Variants in ASPRV1 observed in about 807,000 individuals in gnomAD.
The protein encoded by ASPRV1 is aspartic peptidase retroviral like 1, also known as retroviral-like aspartic protease 1.
ASPRV1 carries 7 observed loss-of-function variants against 11.0 expected under a neutral mutation model. That is an observed-to-expected ratio of 0.64 (90% CI 0.36 to 1.20). The LOEUF is 1.20. ASPRV1 is among the 50% of genes most tolerant of loss of function. The pLI, the probability that ASPRV1 is intolerant of heterozygous loss-of-function variation, is 0.02. For missense variants in ASPRV1, 299 were observed against 320.0 expected, an observed-to-expected ratio of 0.93 and a Z score of 0.50; for synonymous variants, 136 against 138.4, an observed-to-expected ratio of 0.98 and a Z score of 0.12.
At chr2:70,051,036 C>T in the ASPRV1 span, 1 of 152,030 alleles carries the variant, frequency 6.6e-6, no homozygotes, top group Non-Finnish European at 1.5e-5. Flanking sequence ...ACCTTTAATA[C>T]TCAAATAAAT....
the ASPRV1 span, among the ~76,000 whole-genome samples, chr2:70,058,023 T>C: frequency 6.6e-6 from 1 of 152,020 alleles, no homozygotes; most frequent in Non-Finnish European, 1.5e-5. Flanking sequence ...TTGATCGTGA[T>C]CTGCCCACCT....
the ASPRV1 span, among the ~76,000 whole-genome samples, chr2:69,934,581 C>T: frequency 6.6e-6 from 1 of 152,178 alleles, no homozygotes; most frequent in South Asian, 2.1e-4. Flanking sequence ...TGTTCCTTGC[C>T]TTCTCCCTGC....
At chr2:69,935,433 A>G in the ASPRV1 span, 1 of 1,614,130 alleles carries the variant, frequency 6.2e-7, no homozygotes, top group Non-Finnish European at 8.5e-7. Context: ...CACTACGTTG[A>G]GTTTATTAAC....
chr2:70,010,537 C>T, the ASPRV1 span, among the ~76,000 whole-genome samples: 7 of 152,104 alleles, frequency 4.6e-5, no homozygotes, highest in African/African-American at 1.2e-4. Flanking sequence ...GACAACGAGG[C>T]CACAAAGGTT....
chr2:69,953,879 T>TC, the ASPRV1 span, among the ~76,000 whole-genome samples: 1 of 151,548 alleles, frequency 6.6e-6, no homozygotes, highest in Non-Finnish European at 1.5e-5. Context: ...GGCTAATTTT[T>TC]TTTTTTTTTT....
chr2:69,957,283 T>G (rs1195737302), downstream of ASPRV1, among the ~76,000 whole-genome samples: 2 of 152,170 alleles, frequency 1.3e-5, no homozygotes, highest in Middle Eastern at 3.4e-3. Flanking sequence ...GGTTCCTATA[T>G]ATATAGATAG....
the ASPRV1 span, among the ~76,000 whole-genome samples, chr2:70,061,376 T>C: frequency 0.041 from 5,680 of 137,370 alleles, 353 homozygotes; most frequent in African/African-American, 0.14. Flanking sequence ...GCCTGGGTGA[T>C]AGAGTGAGAC....
the ASPRV1 span, among the ~76,000 whole-genome samples, chr2:70,054,881 G>A: frequency 7.2e-4 from 110 of 152,214 alleles, no homozygotes; most frequent in African/African-American, 2.4e-3. Flanking sequence ...TTGCTGTAAA[G>A]TTAACTAAGA....
the ASPRV1 span, among the ~76,000 whole-genome samples, chr2:70,013,509 A>G: frequency 6.6e-6 from 1 of 152,226 alleles, no homozygotes; most frequent in Non-Finnish European, 1.5e-5. Flanking sequence ...CTATTAAGCC[A>G]AACATTAAAG....
At chr2:70,075,564 T>C in the ASPRV1 span, among the ~76,000 whole-genome samples, 1 of 152,066 alleles carries the variant, frequency 6.6e-6, no homozygotes, top group Non-Finnish European at 1.5e-5. Flanking sequence ...TCTCAACGTG[T>C]GGCCAGGCAC....
the ASPRV1 span, among the ~76,000 whole-genome samples, chr2:69,946,494 G>A: frequency 1.5e-4 from 23 of 152,294 alleles, no homozygotes; most frequent in South Asian, 4.6e-3. Flanking sequence ...GTAAGGTAAA[G>A]TATGCAAACA....
At chr2:70,007,875 A>G in the ASPRV1 span, among the ~76,000 whole-genome samples, 33,579 of 151,938 alleles carry the variant, frequency 0.22, 6,465 homozygotes, top group African/African-American at 0.48. Context: ...TCACTTTGTC[A>G]CCCAGGATGG....
At chr2:70,086,196 G>A in the ASPRV1 span, 2 of 152,102 alleles carry the variant, frequency 1.3e-5, no homozygotes, top group South Asian at 2.1e-4. Flanking sequence ...AGGAAGAGGG[G>A]TGCATTCTAG....
chr2:69,997,336 C>T, the ASPRV1 span, among the ~76,000 whole-genome samples: 2 of 152,256 alleles, frequency 1.3e-5, no homozygotes, highest in East Asian at 1.9e-4. Flanking sequence ...ACCATAGTAC[C>T]GACCTAGGCC....
At chr2:70,030,945 A>G in the ASPRV1 span, 1 of 152,246 alleles carries the variant, frequency 6.6e-6, no homozygotes, top group Non-Finnish European at 1.5e-5. Context: ...CTGCTAGGTC[A>G]GTGAAGGAGA....
chr2:69,982,291 TAAAA>T, the ASPRV1 span, among the ~76,000 whole-genome samples: 20 of 129,328 alleles, frequency 1.5e-4, no homozygotes, highest in African/African-American at 5.6e-4. Context: ...TCATCCCTAC[TAAAA>T]AAAAAAAAAA....
chr2:70,073,226 C>T, the ASPRV1 span: 1 of 152,136 alleles, frequency 6.6e-6, no homozygotes, highest in Non-Finnish European at 1.5e-5. Context: ...GGATGGCAGG[C>T]TGGAGACAAG....
the ASPRV1 span, among the ~76,000 whole-genome samples, chr2:70,073,712 T>TGTTGCTGGCC: frequency 6.6e-6 from 1 of 152,112 alleles, no homozygotes. Context: ...CATTGCTGGC[T>TGTTGCTGGCC]GTTGCTGGCC....
At chr2:70,023,782 T>C in the ASPRV1 span, among the ~76,000 whole-genome samples, 2 of 152,216 alleles carry the variant, frequency 1.3e-5, no homozygotes, top group African/African-American at 2.4e-5. Context: ...TTATTTTGGA[T>C]TGTTGGTCTT....
Sources: allele counts gnomAD v4.1 joint callset (sites outside exome capture counted in the v4.1 genomes callset), GRCh38; gene constraint gnomAD v4.1.1; transcripts MANE v1.5; gene names NCBI Gene and HGNC (gene_info 2026-07-23, HGNC 2026-07-21).